Variants in ADAMTS17 observed in about 807,000 individuals in gnomAD.
The protein encoded by ADAMTS17 is ADAM metallopeptidase with thrombospondin type 1 motif 17.
A neutral mutation model predicts 141.5 loss-of-function variants in ADAMTS17; 113 were observed. The ratio of observed to expected loss-of-function variants is 0.80; its 90% CI spans 0.69 to 0.93. ADAMTS17 has a LOEUF of 0.93. ADAMTS17 is among the 40% of genes least tolerant of loss of function. The pLI is 0.00. For synonymous variants in ADAMTS17, 768 were observed against 630.6 expected (o/e 1.22, Z -3.27); for missense variants, 1,659 against 1,517.9 (o/e 1.09, Z -1.54).
chr15:100,304,848 C>T (rs1215060136), intron 3 of ADAMTS17, among the ~76,000 whole-genome samples: 1 of 152,188 alleles, frequency 6.6e-6, no homozygotes, highest in Non-Finnish European at 1.5e-5. Context: ...ACCAACCTCT[C>T]CTCTCCCTCT....
chr15:100,123,372 C>T lies in ADAMTS17; in HGVS notation c.1722-6359G>A, dbSNP rs564290444. Among the ~76,000 whole-genome samples, 506 of 152,292 alleles carry T rather than the reference C, an allele frequency of 3.3e-3. 3 individuals carry two copies. Among genetic ancestry groups the T allele is most frequent in the Non-Finnish European group, 5.8e-3 (393 of 68,028 alleles). On this transcript the variant is annotated intron_variant, in intron 12 of 21. Coordinates refer to ENST00000268070, the MANE Select transcript of ADAMTS17 (RefSeq NM_139057.4). The stretch of plus-strand genomic sequence containing the variant: ...TAAAGAACAGTTAATATAAGAGATT[C>T]GTGATAGAGTTATCCCTTCCCAGGA...
At chr15:100,072,388 C>G (rs1417511397) in intron 15 of ADAMTS17, among the ~76,000 whole-genome samples, 1 of 149,282 alleles carries the variant, frequency 6.7e-6, no homozygotes, top group Admixed American at 6.7e-5. Flanking sequence ...ACTTTCTTCA[C>G]AGAATTGGAA....
At chr15:100,254,565 G>A (rs895174350) in intron 6 of ADAMTS17, among the ~76,000 whole-genome samples, 6 of 152,140 alleles carry the variant, frequency 3.9e-5, no homozygotes, top group Admixed American at 1.3e-4. Flanking sequence ...CTCTATTTGG[G>A]CAGCAACTGG....
At position 99,993,741 on chromosome 15, in the gene ADAMTS17, G is replaced by T. The variant is rs555276134; in HGVS notation, c.2797-541C>A. ...AGGAAAAGCCACAGATGACTTTCTC[G>T]TGAGGCAGGTGGAAAGCCTTTGCAG... On this transcript the variant is annotated intron_variant, in intron 19 of 21. Transcript: ENST00000268070. This position sits in a 1 kb window ranked among gnomAD's most constrained non-coding sequence, Gnocchi z 4.3. 6.6e-6 allele frequency among the ~76,000 whole-genome samples: 1 copy of T among 152,202 alleles called. No homozygotes were observed. Among genetic ancestry groups the T allele is most frequent in the Non-Finnish European group, 1.5e-5 (1 of 68,042 alleles).
At chr15:100,309,126 C>A (rs551233274) in intron 3 of ADAMTS17, among the ~76,000 whole-genome samples, 1 of 152,224 alleles carries the variant, frequency 6.6e-6, no homozygotes, top group African/African-American at 2.4e-5. Flanking sequence ...CTTTGGGAGG[C>A]AGAGGTGGCA....
intron 15 of ADAMTS17, among the ~76,000 whole-genome samples, chr15:100,063,024 T>C (rs1314408513): frequency 6.6e-6 from 1 of 152,176 alleles, no homozygotes; most frequent in East Asian, 1.9e-4. Context: ...GTCTGGGAAT[T>C]GGGCCAAGGA....
At chr15:100,313,538 A>C (rs899313132) in intron 3 of ADAMTS17, among the ~76,000 whole-genome samples, 1 of 152,220 alleles carries the variant, frequency 6.6e-6, no homozygotes, top group African/African-American at 2.4e-5. Flanking sequence ...TAAATAAATA[A>C]ATGTAGAATG....
intron 2 of ADAMTS17, 183 bp downstream of exon 2, chr15:100,340,856 T>G (rs2046341680): frequency 1.1e-6 from 1 of 896,106 alleles, no homozygotes; most frequent in Admixed American, 2.6e-5. Context: ...CCCACCCCCT[T>G]TGCCTATAGA....
intron 15 of ADAMTS17, among the ~76,000 whole-genome samples, chr15:100,080,569 C>A (rs1423066676): frequency 6.6e-6 from 1 of 152,018 alleles, no homozygotes; most frequent in Non-Finnish European, 1.5e-5. Flanking sequence ...CCACGTCTTG[C>A]TGAGGTGCTT....
chr15:100,063,977 C>T (rs34189104), intron 15 of ADAMTS17, among the ~76,000 whole-genome samples: 22,482 of 152,082 alleles, frequency 0.15, 2,353 homozygotes, highest in East Asian at 0.51. Context: ...AGTGGTGTCC[C>T]CCTCCTCCAA....
At chr15:100,284,978 C>A (rs1216934499) in intron 3 of ADAMTS17, among the ~76,000 whole-genome samples, 2 of 152,176 alleles carry the variant, frequency 1.3e-5, no homozygotes, top group Non-Finnish European at 2.9e-5. Flanking sequence ...GGCTCTCGCC[C>A]CGCTGATGAG....
At chr15:100,023,238 G>T (rs1421709416) in intron 18 of ADAMTS17, among the ~76,000 whole-genome samples, 2 of 149,910 alleles carry the variant, frequency 1.3e-5, no homozygotes, top group Admixed American at 6.6e-5. Flanking sequence ...TTTCACTTTT[G>T]TTGCCCAGGA....
chr15:100,219,553 C>T (rs1362261440), intron 7 of ADAMTS17, among the ~76,000 whole-genome samples: 1 of 152,168 alleles, frequency 6.6e-6, no homozygotes, highest in East Asian at 1.9e-4. Context: ...TCAGATAGGG[C>T]TTCTTCTATC....
At chr15:100,084,206 G>A (rs2034939380) in intron 15 of ADAMTS17, among the ~76,000 whole-genome samples, 1 of 152,220 alleles carries the variant, frequency 6.6e-6, no homozygotes, top group Admixed American at 6.5e-5. Flanking sequence ...TCCCGCGCAT[G>A]GCTGGGAGGG....
At chr15:100,147,553 GAAAAGGTAT>G (rs1347239712) in intron 10 of ADAMTS17, among the ~76,000 whole-genome samples, 2 of 152,004 alleles carry the variant, frequency 1.3e-5, no homozygotes, top group African/African-American at 4.8e-5. Context: ...TCTAAACATC[GAAAAGGTAT>G]AAAAATACGG....
chr15:100,141,750 G>C (rs374748225), intron 10 of ADAMTS17, among the ~76,000 whole-genome samples: 1 of 152,330 alleles, frequency 6.6e-6, no homozygotes, highest in African/African-American at 2.4e-5. Flanking sequence ...ATGGTGTGGA[G>C]AGCTCTCTGA....
At chr15:100,029,946 A>G (rs1413408632) in intron 18 of ADAMTS17, among the ~76,000 whole-genome samples, 2 of 152,198 alleles carry the variant, frequency 1.3e-5, no homozygotes, top group Non-Finnish European at 2.9e-5. Context: ...AAGCTCTGGG[A>G]GTGGGGCCCA....
Position 100,206,373 on chromosome 15 carries a change from C to T in ADAMTS17, c.1076-6950G>A, listed in dbSNP as rs570629505. On this transcript the variant is annotated intron_variant, in intron 7 of 21. Coordinates refer to ENST00000268070, the MANE Select transcript of ADAMTS17 (RefSeq NM_139057.4). ...ATGGGCATGCCCAGGACACCCCTCC[C>T]CTTACTGGCAGCATGAGGGTGATGC... 2.6e-5 allele frequency among the ~76,000 whole-genome samples: 4 copies of T among 152,330 alleles called. No homozygotes were observed. In the East Asian group the frequency reaches 7.7e-4, roughly 29 times the overall value.
chr15:100,199,136 C>T (rs1485776769), intron 8 of ADAMTS17, among the ~76,000 whole-genome samples, 182 bp downstream of exon 8: 3 of 152,074 alleles, frequency 2.0e-5, no homozygotes, highest in Admixed American at 1.3e-4. Context: ...CCAAGCCAAT[C>T]GGTGCAGTCA....
Sources: allele counts gnomAD v4.1 joint callset (sites outside exome capture counted in the v4.1 genomes callset), GRCh38; gene constraint gnomAD v4.1.1; non-coding constraint Gnocchi (gnomAD v3.1); transcripts MANE v1.5; gene names NCBI Gene and HGNC (gene_info 2026-07-23, HGNC 2026-07-21).